UBE2D3: variants seen among roughly 807,000 people sequenced by gnomAD.
UBE2D3 encodes ubiquitin conjugating enzyme E2 D3, also known as ubiquitin-conjugating enzyme E2 D3.
Under a neutral mutation model 22.8 loss-of-function variants are expected in UBE2D3, and 2 were observed. That is an observed-to-expected ratio of 0.09 (90% CI 0.04 to 0.28). UBE2D3 has a LOEUF of 0.28. Among genes scored for constraint, UBE2D3 ranks in the 10% least tolerant of loss-of-function variants. The pLI, the probability that UBE2D3 is intolerant of heterozygous loss-of-function variation, is 1.00. For synonymous variants in UBE2D3, 56 were observed against 60.4 expected, an observed-to-expected ratio of 0.93 and a Z score of 0.34; for missense variants, 27 against 182.5, an observed-to-expected ratio of 0.15 and a Z score of 4.91.
chr4:102,855,564 G>C (rs1030580011), intron 1 of UBE2D3, among the ~76,000 whole-genome samples: 1 of 152,254 alleles, frequency 6.6e-6, no homozygotes, highest in Non-Finnish European at 1.5e-5. Context: ...GGGATTACAG[G>C]TGTGTGCCAC....
upstream of UBE2D3, chr4:102,827,686 G>C: frequency 1.0e-6 from 1 of 985,686 alleles, no homozygotes; most frequent in Non-Finnish European, 1.2e-6. Flanking sequence ...CCACGTCCGG[G>C]GCCGAGTGAA....
intron 1 of UBE2D3, among the ~76,000 whole-genome samples, chr4:102,839,271 T>A (rs993568302): frequency 2.0e-5 from 3 of 152,144 alleles, no homozygotes; most frequent in African/African-American, 7.2e-5. Flanking sequence ...TTTCTTCTTC[T>A]TTCTTACTTT....
intron 1 of UBE2D3, among the ~76,000 whole-genome samples, chr4:102,837,428 G>C (rs1731469815): frequency 6.6e-6 from 1 of 152,208 alleles, no homozygotes; most frequent in East Asian, 1.9e-4. Context: ...CAAGTTGTAA[G>C]TTTGTGGCAG....
Position 102,827,493 on chromosome 4 carries a change from C to A in UBE2D3, c.-195G>T, listed in dbSNP as rs2110339689. On this transcript the variant is annotated 5_prime_UTR_variant, in exon 1 of 8. Coordinates refer to ENST00000453744, the MANE Select transcript of UBE2D3 (RefSeq NM_181891.3). Reference sequence around the variant, plus strand: ...TCCCCGCGCGGCAGCTGGTGCCTCCCCGGCCCTACGGGGCTCACGCGCACG... The same window carrying A: ...TCCCCGCGCGGCAGCTGGTGCCTCCACGGCCCTACGGGGCTCACGCGCACG... The A allele has an allele frequency of 6.1e-6, 6 of 986,282 alleles. No homozygotes were observed. The highest frequency in any genetic ancestry group is 7.2e-6 in the Non-Finnish European group (6 of 830,236). The allele number at this position is 986,282 out of a possible 1,614,324, so 61.1% of individuals were successfully genotyped here.
chr4:102,804,919 C>T (rs1726793842), intron 4 of UBE2D3, among the ~76,000 whole-genome samples: 2 of 152,152 alleles, frequency 1.3e-5, no homozygotes, highest in East Asian at 1.9e-4. Context: ...TGCTGAGTTC[C>T]AGTGATCCAC....
At chr4:102,818,510 A>G (rs376295808) in intron 2 of UBE2D3, among the ~76,000 whole-genome samples, 2 of 152,228 alleles carry the variant, frequency 1.3e-5, no homozygotes, top group Admixed American at 1.3e-4. Flanking sequence ...AAGCTCTCAC[A>G]TGGTCTAGTT....
At chr4:102,829,665 A>G (rs1240103953), upstream of UBE2D3, among the ~76,000 whole-genome samples, 1 of 152,168 alleles carries the variant, frequency 6.6e-6, no homozygotes, top group Non-Finnish European at 1.5e-5. Flanking sequence ...TATAGTAGTA[A>G]TAGTGGCCAC....
At chr4:102,826,385 G>C in intron 2 of UBE2D3, 100 bp downstream of exon 2, 1 of 1,426,162 alleles carries the variant, frequency 7.0e-7, no homozygotes, top group South Asian at 1.2e-5. Context: ...GATCCAAGAG[G>C]TATTTTCAGA....
chr4:102,846,488 C>T (rs1204334517), intron 1 of UBE2D3, among the ~76,000 whole-genome samples: 2 of 152,154 alleles, frequency 1.3e-5, no homozygotes, highest in African/African-American at 2.4e-5. Context: ...TAAATGTATT[C>T]TCATATATGC....
intron 4 of UBE2D3, among the ~76,000 whole-genome samples, chr4:102,808,036 G>C (rs1358515676): frequency 6.6e-5 from 10 of 152,140 alleles, no homozygotes; most frequent in Non-Finnish European, 1.5e-4. Flanking sequence ...TCAAAGATGA[G>C]CTTTATTTTA....
Position 102,827,510 on chromosome 4 carries a change from A to C in UBE2D3, c.-212T>G, listed in dbSNP as rs921647014. ...GTGCCTCCCCGGCCCTACGGGGCTC[A>C]CGCGCACGACACAGCCACAAGATGT... On this transcript the variant is annotated 5_prime_UTR_variant, in exon 1 of 8. Transcript: ENST00000453744. 3 of 985,766 alleles carry C rather than the reference A, an allele frequency of 3.0e-6. No individual in the cohort carries two copies. The highest frequency in any genetic ancestry group is 1.2e-4 in the Admixed American group (2 of 16,260). The allele number at this position is 985,766 out of a possible 1,614,324, so 61.1% of individuals were successfully genotyped here.
intron 2 of UBE2D3, chr4:102,825,267 T>G (rs2110331540): frequency 1.0e-6 from 1 of 986,462 alleles, no homozygotes; most frequent in Non-Finnish European, 1.2e-6. Context: ...CTAGTAAGGC[T>G]GAATTTATTC....
chr4:102,868,606 A>AG (rs1412790483), intron 1 of UBE2D3: 1 of 1,412,672 alleles, frequency 7.1e-7, no homozygotes, highest in African/African-American at 1.4e-5. Context: ...GGGTCTGGGT[A>AG]GGGGGAGGAT....
chr4:102,825,828 C>T, intron 2 of UBE2D3: 1 of 453,238 alleles, frequency 2.2e-6, no homozygotes, highest in Non-Finnish European at 4.4e-6. Context: ...CGGTGTCCCT[C>T]GGATAAATAG....
At chr4:102,819,839 C>T (rs1199592423) in intron 2 of UBE2D3, among the ~76,000 whole-genome samples, 1 of 152,180 alleles carries the variant, frequency 6.6e-6, no homozygotes, top group Non-Finnish European at 1.5e-5. Flanking sequence ...AAACTAAAAG[C>T]TTATGCCATT....
intron 1 of UBE2D3, among the ~76,000 whole-genome samples, chr4:102,852,342 CTG>C (rs939416431): frequency 5.3e-5 from 8 of 152,188 alleles, no homozygotes; most frequent in African/African-American, 1.9e-4. Context: ...TATGTCATTA[CTG>C]TTTTGACCTG....
chr4:102,845,406 G>T (rs145466697), intron 1 of UBE2D3, among the ~76,000 whole-genome samples: 4 of 152,226 alleles, frequency 2.6e-5, no homozygotes, highest in Non-Finnish European at 5.9e-5. Context: ...AATTAGTTTG[G>T]GTTGTGGCCT....
chr4:102,863,377 C>T (rs1479973516), intron 1 of UBE2D3, among the ~76,000 whole-genome samples: 1 of 152,046 alleles, frequency 6.6e-6, no homozygotes. Context: ...AACTACCTCT[C>T]ACAGGAGCGA....
At chr4:102,861,862 A>C (rs1732916409) in intron 1 of UBE2D3, among the ~76,000 whole-genome samples, 2 of 151,984 alleles carry the variant, frequency 1.3e-5, no homozygotes, top group South Asian at 4.2e-4. Flanking sequence ...AGAATTATAG[A>C]AAAGAGAAGC....
Sources: gnomAD v4.1 joint callset for allele counts (sites outside exome capture counted in the v4.1 genomes callset) on GRCh38, gnomAD v4.1.1 for gene constraint, MANE v1.5 for transcripts, NCBI Gene and HGNC (gene_info 2026-07-23, HGNC 2026-07-21) for gene names.